TIA1: variants seen among roughly 807,000 people sequenced by gnomAD.
TIA1 encodes TIA1 cytotoxic granule associated RNA binding protein, also known as cytotoxic granule associated RNA binding protein TIA1.
A neutral mutation model predicts 65.9 loss-of-function variants in TIA1; 23 were observed. The ratio of observed to expected loss-of-function variants is 0.35; its 90% confidence interval spans 0.25 to 0.49. The LOEUF is 0.49. TIA1 is among the 20% of genes least tolerant of loss of function. The probability of loss-of-function intolerance (pLI) is 0.98; values close to 1 mark genes in which losing one functional copy is unlikely to be tolerated. For missense variants in TIA1, 371 were observed against 477.9 expected (o/e 0.78, Z 2.09); for synonymous variants, 147 against 149.4 (o/e 0.98, Z 0.12).
rs747666417 is a variant in TIA1 at position 70,248,529 on chromosome 2, C to G, written c.-99G>C. On this transcript the variant is annotated 5_prime_UTR_variant, in exon 1 of 13. Transcript: ENST00000433529. ...TTATGGCTACAGGATAGTGGGGTTT[C>G]TCGGCTGACCAGAGGTTACTCCGCC... The G allele has an allele frequency of 6.4e-7, 1 of 1,568,988 alleles. No individual in the cohort carries two copies. The highest frequency in any genetic ancestry group is 8.6e-7 in the Non-Finnish European group (1 of 1,156,448).
intron 1 of TIA1, among the ~76,000 whole-genome samples, chr2:70,237,929 A>G (rs1573705436): frequency 6.6e-6 from 1 of 151,996 alleles, no homozygotes; most frequent in Non-Finnish European, 1.5e-5. Context: ...TGGGAGGCCG[A>G]GGTGGGCGGA....
At chr2:70,248,311 C>T (rs1695400684) in intron 1 of TIA1, 94 bp downstream of exon 1, 1 of 1,415,892 alleles carries the variant, frequency 7.1e-7, no homozygotes, top group Admixed American at 2.2e-5. Flanking sequence ...TCGCGGTGTC[C>T]ACGGAGAACA....
chr2:70,241,906 TA>T (rs757159276), intron 1 of TIA1, among the ~76,000 whole-genome samples: 502 of 135,062 alleles, frequency 3.7e-3, no homozygotes, highest in Middle Eastern at 3.7e-3. Flanking sequence ...ACCTTACCTC[TA>T]AAAAAAAAAA....
chr2:70,224,983 C>G (rs1438547905), intron 6 of TIA1: 20 of 1,022,250 alleles, frequency 2.0e-5, no homozygotes, highest in Non-Finnish European at 2.1e-5. Context: ...CTTTCTTTAA[C>G]CATGCAATTT....
intron 5 of TIA1, chr2:70,228,575 TCA>T (rs1404757250): frequency 3.6e-6 from 4 of 1,104,526 alleles, no homozygotes; most frequent in Non-Finnish European, 4.5e-6. Context: ...AAGACAATTA[TCA>T]AAAAAAGAAA....
At chr2:70,216,529 T>G in intron 8 of TIA1, 30 bp from the exon 9 acceptor site, 2 of 1,582,634 alleles carry the variant, frequency 1.3e-6, no homozygotes, top group Non-Finnish European at 1.7e-6. Flanking sequence ...ATGTCTTTAA[T>G]TCATTAAATA....
intron 10 of TIA1, 87 bp downstream of exon 10, chr2:70,216,121 G>T: frequency 8.9e-7 from 1 of 1,126,178 alleles, no homozygotes; most frequent in Non-Finnish European, 1.2e-6. Context: ...AAAATATTTT[G>T]GAGGAAAAAG....
chr2:70,242,494 CAAAAAAAA>C lies in TIA1; in HGVS notation c.26+5903_26+5910del, dbSNP rs11380260. Among the ~76,000 whole-genome samples the C allele has an allele frequency of 2.5e-3, 83 of 33,456 alleles. 1 individual carries two copies. The highest frequency in any genetic ancestry group is 0.011 in the African/African-American group (80 of 7,038). The allele number at this position is 33,456 out of a possible 152,430, so 21.9% of individuals were successfully genotyped here. A position where few individuals can be genotyped will look rare whatever the true frequency, so the allele number is the denominator to read the frequency against. ...AGCCTGAGTGACAGAGACTCAGTCT[CAAAAAAAA>C]AAAAAAAAAAAAAAAAAAAGGCAGA... On this transcript the variant is annotated intron_variant, in intron 1 of 12. Coordinates refer to ENST00000433529, the MANE Select transcript of TIA1 (RefSeq NM_022173.4).
chr2:70,220,439 A>G (rs1680768909), intron 7 of TIA1, among the ~76,000 whole-genome samples: 1 of 152,096 alleles, frequency 6.6e-6, no homozygotes, highest in Non-Finnish European at 1.5e-5. Context: ...ATATGGATAC[A>G]CAAAGAGAGA....
intron 2 of TIA1, among the ~76,000 whole-genome samples, chr2:70,234,158 A>C (rs1687770003): frequency 1.3e-5 from 2 of 152,230 alleles, no homozygotes. Context: ...TATTCGGATA[A>C]ATCAATTAGG....
intron 1 of TIA1, among the ~76,000 whole-genome samples, chr2:70,244,519 T>C (rs1304091406): frequency 6.6e-6 from 1 of 152,106 alleles, no homozygotes; most frequent in East Asian, 1.9e-4. Flanking sequence ...CTAATAAATA[T>C]CTCATTTTGG....
In TIA1 at chr2:70,212,555, C is replaced by T. The variant is rs1055819472; in HGVS notation, c.*164G>A. On this transcript the variant is annotated 3_prime_UTR_variant, in exon 13 of 13. Transcript: ENST00000433529. ...TCCAGCATCTTGTTTCTTTTTAAAA[C>T]AATGTGGATGATAAGTAATTTCATG... The T allele has an allele frequency of 3.9e-6, 2 of 514,670 alleles. No homozygotes were observed. Among genetic ancestry groups the T allele is most frequent in the African/African-American group, 3.8e-5 (2 of 52,462 alleles). 31.9% of individuals were successfully genotyped at this position (514,670 alleles called of 1,614,324 possible). A position where few individuals can be genotyped will look rare whatever the true frequency, so the allele number is the denominator to read the frequency against.
chr2:70,246,408 A>T (rs933166139), intron 1 of TIA1, among the ~76,000 whole-genome samples: 7 of 152,210 alleles, frequency 4.6e-5, no homozygotes, highest in African/African-American at 1.7e-4. Flanking sequence ...TATTAGGAAA[A>T]CTTAGGGATT....
chr2:70,225,149 C>T (rs772186533), intron 6 of TIA1: 4 of 1,021,876 alleles, frequency 3.9e-6, no homozygotes, highest in Non-Finnish European at 3.5e-6. Flanking sequence ...ATTTTGAGAA[C>T]TTGACATTTT....
intron 2 of TIA1, 57 bp downstream of exon 2, chr2:70,236,021 GC>G (rs920974181): frequency 1.2e-5 from 12 of 1,034,974 alleles, no homozygotes; most frequent in African/African-American, 1.2e-4. Flanking sequence ...CCAAGCAATG[GC>G]TTTAAGTAAT....
At chr2:70,243,965 C>T (rs1026865013) in intron 1 of TIA1, among the ~76,000 whole-genome samples, 1 of 152,206 alleles carries the variant, frequency 6.6e-6, no homozygotes, top group South Asian at 2.1e-4. Context: ...CACTACTCTG[C>T]GTGAAACCCA....
chr2:70,213,871 C>T (rs1429967745), intron 12 of TIA1, among the ~76,000 whole-genome samples: 5 of 152,034 alleles, frequency 3.3e-5, no homozygotes, highest in African/African-American at 1.2e-4. Context: ...AGGCTGGTCG[C>T]AAACTCCTGG....
rs941572747 is a variant in TIA1, at chr2:70,228,498, C to A, written c.310+561G>T. On this transcript the variant is annotated intron_variant, in intron 5 of 12. Transcript: ENST00000433529. Reference sequence around the variant, plus strand: ...CAGAATGAAAACAGTAATCCCTTCACTTTATATCAGAACCATTAAAAAAGC... The same window carrying A: ...CAGAATGAAAACAGTAATCCCTTCAATTTATATCAGAACCATTAAAAAAGC... The A allele has an allele frequency of 7.3e-6, 9 of 1,235,120 alleles. 1 individual carries two copies. The African/African-American group carries it at 1.1e-4, about 15-fold the overall frequency. 76.5% of individuals were successfully genotyped at this position (1,235,120 alleles called of 1,614,324 possible). A position where few individuals can be genotyped will look rare whatever the true frequency, so the allele number is the denominator to read the frequency against.
At position 70,246,550 on chromosome 2, in the gene TIA1, T is replaced by G. The variant is rs565293287; in HGVS notation, c.26+1855A>C. ...GAGTTTCTTGGATGGGGTGTATTAG[T>G]GAGGGATACAAGGCAAAATAAGTAA... On this transcript the variant is annotated intron_variant, in intron 1 of 12. Coordinates refer to ENST00000433529, the MANE Select transcript of TIA1 (RefSeq NM_022173.4). 7.2e-5 allele frequency among the ~76,000 whole-genome samples: 11 copies of G among 152,186 alleles called. 1 individual carries two copies. Among genetic ancestry groups the G allele is most frequent in the Admixed American group, 2.6e-4 (4 of 15,270 alleles).
Sources: allele counts gnomAD v4.1 joint callset (sites outside exome capture counted in the v4.1 genomes callset), GRCh38; gene constraint gnomAD v4.1.1; transcripts MANE v1.5; gene names NCBI Gene and HGNC (gene_info 2026-07-23, HGNC 2026-07-21).